The following ANAPC16 variants were observed in gnomAD, a reference collection of about 807,000 sequenced individuals.
ANAPC16 encodes the protein anaphase promoting complex subunit 16.
In ANAPC16, 6 loss-of-function variants were observed where a neutral mutation model predicts 13.1. That is an observed-to-expected ratio of 0.46 (90% confidence interval 0.25 to 0.90). The LOEUF (loss-of-function observed/expected upper bound fraction) is 0.90. ANAPC16 is among the 40% of genes least tolerant of loss of function. The pLI, the probability that ANAPC16 is intolerant of heterozygous loss-of-function variation, is 0.18. For missense variants in ANAPC16, 113 were observed against 131.1 expected, an observed-to-expected ratio of 0.86 and a Z score of 0.67; for synonymous variants, 55 against 51.3, an observed-to-expected ratio of 1.07 and a Z score of -0.31.
Position 72,218,166 on chromosome 10 carries a change from ATATATATATATATATATATATATAT to A in ANAPC16, c.-28+2029_-28+2053del, listed in dbSNP as rs1389708732. Among the ~76,000 whole-genome samples the A allele has an allele frequency of 1.0e-3, 21 of 20,346 alleles. 3 individuals are homozygous for A. Among genetic ancestry groups the A allele is most frequent in the African/African-American group, 3.9e-3 (18 of 4,610 alleles). 13.3% of individuals were successfully genotyped at this position (20,346 alleles called of 152,430 possible). On this transcript the variant is annotated intron_variant, in intron 1 of 3. Transcript: ENST00000299381. ...GTCTCAAAAAAAAAAAAAAAAAAAAATATATATATATATATATATATATATATATATATATATATATATATATATA... is the reference window on the plus strand; with the variant it reads ...GTCTCAAAAAAAAAAAAAAAAAAAAAATATATATATATATATATATATATA...
rs1172203423 is a variant in ANAPC16, at chr10:72,235,323, G to A, written c.*2207G>A. On this transcript the variant is annotated 3_prime_UTR_variant, in exon 4 of 4. Transcript: ENST00000299381. ...AAAAATTAGCCAGGCGTGGTGGCGG[G>A]CGCCTGTAATCCCAGCTACTCAGGA... is the stretch of plus-strand genomic sequence containing the variant. 5 of 146,430 alleles carry A rather than the reference G, an allele frequency of 3.4e-5. No homozygotes were observed. Among genetic ancestry groups the A allele is most frequent in the African/African-American group, 1.3e-4 (5 of 39,434 alleles). The allele number at this position is 146,430 out of a possible 1,614,324, so 9.1% of individuals were successfully genotyped here.
At chr10:72,231,976 C>T (rs369242057) in intron 3 of ANAPC16, among the ~76,000 whole-genome samples, 2 of 151,574 alleles carry the variant, frequency 1.3e-5, no homozygotes, top group East Asian at 3.9e-4. Flanking sequence ...CACCTGAGGT[C>T]GGGAGTTCGA....
At chr10:72,229,678 A>T (rs950785768) in intron 2 of ANAPC16, among the ~76,000 whole-genome samples, 1 of 152,212 alleles carries the variant, frequency 6.6e-6, no homozygotes, top group Non-Finnish European at 1.5e-5. Context: ...AACATGAACT[A>T]GCTTATGTTT....
intron 1 of ANAPC16, among the ~76,000 whole-genome samples, chr10:72,221,292 A>G (rs1859921092): frequency 6.6e-6 from 1 of 152,202 alleles, no homozygotes; most frequent in Non-Finnish European, 1.5e-5. Flanking sequence ...TTTAAAGTAT[A>G]CAATTCAATA....
chr10:72,216,307 C>G (rs1397479603), intron 1 of ANAPC16, 169 bp downstream of exon 1: 1 of 159,972 alleles, frequency 6.3e-6, no homozygotes, highest in African/African-American at 2.4e-5. Context: ...TGACCGAGTG[C>G]GCATGCGGGC....
At chr10:72,230,712 T>A (rs908392947) in intron 3 of ANAPC16, among the ~76,000 whole-genome samples, 2 of 151,952 alleles carry the variant, frequency 1.3e-5, no homozygotes, top group Non-Finnish European at 2.9e-5. Flanking sequence ...CTGGCCAACA[T>A]GGTGAAACTG....
intron 2 of ANAPC16, among the ~76,000 whole-genome samples, chr10:72,228,726 G>A (rs1402559012): frequency 6.6e-6 from 1 of 152,210 alleles, no homozygotes; most frequent in Non-Finnish European, 1.5e-5. Flanking sequence ...ATAGGGAGCT[G>A]CAAATCAGCA....
intron 3 of ANAPC16, 120 bp from the exon 4 acceptor site, chr10:72,232,878 ATAG>A: frequency 1.3e-6 from 1 of 752,816 alleles, no homozygotes; most frequent in South Asian, 1.7e-5. Context: ...TGCTGGGATT[ATAG>A]GCGTGATCCA....
intron 1 of ANAPC16, among the ~76,000 whole-genome samples, chr10:72,219,021 G>A (rs754810258): frequency 6.6e-6 from 1 of 152,196 alleles, no homozygotes; most frequent in Non-Finnish European, 1.5e-5. Flanking sequence ...TGGGTGCTCT[G>A]CTCAGCACCT....
In ANAPC16 at chr10:72,230,449, A is replaced by T. The variant is rs200706094; in HGVS notation, c.217+9A>T. ...TAAACAGGTGAAACATGGTAAGCACATGAGTGTTGCGTACTTGACTGTGAG... is the reference window on the plus strand; with the variant it reads ...TAAACAGGTGAAACATGGTAAGCACTTGAGTGTTGCGTACTTGACTGTGAG... On this transcript the variant is annotated intron_variant, in intron 3 of 3. Coordinates refer to ENST00000299381, the MANE Select transcript of ANAPC16 (RefSeq NM_173473.4). 2 of 1,612,772 alleles carry T rather than the reference A, an allele frequency of 1.2e-6. No homozygotes were observed. The highest frequency in any genetic ancestry group is 2.2e-5 in the South Asian group (2 of 91,054).
At chr10:72,216,266 C>A (rs1589694284) in intron 1 of ANAPC16, 128 bp downstream of exon 1, 1 of 158,654 alleles carries the variant, frequency 6.3e-6, no homozygotes, top group Non-Finnish European at 1.4e-5. Flanking sequence ...CTGCAGCAGA[C>A]GTGCGATAGG....
At chr10:72,232,594 A>G in intron 3 of ANAPC16, among the ~76,000 whole-genome samples, 1 of 150,790 alleles carries the variant, frequency 6.6e-6, no homozygotes, top group Non-Finnish European at 1.5e-5. Flanking sequence ...GAGGAGAAAA[A>G]AAAATCCATC....
rs1860415918 is a variant in ANAPC16 at position 72,234,479 on chromosome 10, G to T, written c.*1363G>T. The T allele has an allele frequency of 6.6e-6, 1 of 152,178 alleles. No individual in the cohort carries two copies. The highest frequency in any genetic ancestry group is 1.5e-5 in the Non-Finnish European group (1 of 68,048). 9.4% of individuals were successfully genotyped at this position (152,178 alleles called of 1,614,324 possible). A position where few individuals can be genotyped will look rare whatever the true frequency, so the allele number is the denominator to read the frequency against. ...ACCATGATAGGGGAAAACCTGGAAG[G>T]CTAAGAGATGTGCTGTTTTCCTTCA... On this transcript the variant is annotated 3_prime_UTR_variant, in exon 4 of 4. Transcript: ENST00000299381.
intron 1 of ANAPC16, among the ~76,000 whole-genome samples, chr10:72,221,116 A>G (rs539652780): frequency 3.0e-4 from 46 of 152,224 alleles, no homozygotes; most frequent in Non-Finnish European, 5.7e-4. Flanking sequence ...GAGTTTCGCC[A>G]TGTTTACCAG....
At chr10:72,219,471 C>G in intron 1 of ANAPC16, among the ~76,000 whole-genome samples, 1 of 152,136 alleles carries the variant, frequency 6.6e-6, no homozygotes, top group Non-Finnish European at 1.5e-5. Context: ...CAGAGTGGCT[C>G]AGGCCTGTAA....
rs1463314856 is a variant in ANAPC16, at chr10:72,230,383, C to T, written c.160C>T (p.Leu54Phe). The T allele has an allele frequency of 6.2e-7, 1 of 1,613,894 alleles. No individual in the cohort carries two copies. Among genetic ancestry groups the T allele is most frequent in the South Asian group, 1.1e-5 (1 of 91,078 alleles). ...EMLEDGSERFLCESVFSYQVA... is the reference protein window; with the variant it reads ...EMLEDGSERFFCESVFSYQVA... The stretch of plus-strand genomic sequence containing the variant: ...GTTTGTAGATGGCTCTGAGAGATTC[C>T]TCTGCGAATCTGTTTTTAGCTATCA... The change falls in exon 3 of 4, where the codon CTC (leucine) becomes TTC (phenylalanine). Residue 54 changes from leucine (L) to phenylalanine (F), a missense_variant. Leu to Phe is a conservative substitution (Grantham distance 22, BLOSUM62 0). Transcript: ENST00000299381.
intron 2 of ANAPC16, among the ~76,000 whole-genome samples, chr10:72,224,523 G>C (rs1860056059): frequency 6.6e-6 from 1 of 151,532 alleles, no homozygotes; most frequent in Non-Finnish European, 1.5e-5. Flanking sequence ...TGAGGCAGGA[G>C]AATCACTTGA....
intron 2 of ANAPC16, among the ~76,000 whole-genome samples, chr10:72,227,545 T>G (rs1044548466): frequency 1.3e-5 from 2 of 151,866 alleles, no homozygotes; most frequent in Admixed American, 6.6e-5. Context: ...GACTGAAAAA[T>G]AATGTAGAGA....
Position 72,223,910 on chromosome 10 carries a change from A to C in ANAPC16, c.-5A>C. The C allele has an allele frequency of 6.3e-7, 1 of 1,592,586 alleles. No homozygotes were observed. Among genetic ancestry groups the C allele is most frequent in the Non-Finnish European group, 8.6e-7 (1 of 1,164,678 alleles). On this transcript the variant is annotated 5_prime_UTR_variant, in exon 2 of 4. Coordinates refer to ENST00000299381, the MANE Select transcript of ANAPC16 (RefSeq NM_173473.4). ...TAGTGAAGTAAGAACTCTGCTAGAG[A>C]GGAAATGGCTGCTTCATCATCATCC...
Sources: gnomAD v4.1 joint callset for allele counts (sites outside exome capture counted in the v4.1 genomes callset) on GRCh38, gnomAD v4.1.1 for gene constraint, MANE v1.5 for transcripts, NCBI Gene and HGNC (gene_info 2026-07-23, HGNC 2026-07-21) for gene names.